XKR5: variants seen among roughly 807,000 people sequenced by gnomAD.
The protein encoded by XKR5 is XK-related protein 5.
In XKR5, 46 loss-of-function variants were observed where a neutral mutation model predicts 40.8. That is an observed-to-expected ratio of 1.13 (90% CI 0.89 to 1.44). XKR5 has a LOEUF of 1.44. Ranked by LOEUF, XKR5 falls within the 40% of genes most tolerant of loss-of-function variation. XKR5 has a pLI of 0.00. For missense variants in XKR5, 1,169 were observed against 844.7 expected (o/e 1.38, Z -4.76); for synonymous variants, 466 against 356.1 (o/e 1.31, Z -3.48).
chr8:6,821,013 AG>A (rs1804205950), intron 5 of XKR5, among the ~76,000 whole-genome samples: 1 of 152,224 alleles, frequency 6.6e-6, no homozygotes, highest in Admixed American at 6.5e-5. Context: ...GGAACCCTGA[AG>A]AGTATGTAGA....
rs759548890 is a variant in XKR5 at position 6,815,806 on chromosome 8, C to G, written c.919+1G>C. On this transcript the variant is annotated splice_donor_variant, in intron 6 of 6. Coordinates refer to ENST00000618742, the MANE Select transcript of XKR5 (RefSeq NM_207411.5). LOFTEE classifies it high-confidence loss of function. ...GAGAAGAAGGTGACATTGGGACTTA[C>G]CAATCAGAAATCCAGACAGGACCCC... The G allele has an allele frequency of 1.3e-6, 2 of 1,593,272 alleles. No homozygotes were observed. The highest frequency in any genetic ancestry group is 2.3e-5 in the South Asian group (2 of 87,850).
At position 6,818,197 on chromosome 8, in the gene XKR5, G is replaced by C. The variant is rs1323528862; in HGVS notation, c.808-2279C>G. Among the ~76,000 whole-genome samples the C allele has an allele frequency of 5.9e-5, 9 of 152,280 alleles. No homozygotes were observed. The East Asian group carries it at 1.7e-3, about 29-fold the overall frequency. On this transcript the variant is annotated intron_variant, in intron 5 of 6. Coordinates refer to ENST00000618742, the MANE Select transcript of XKR5 (RefSeq NM_207411.5). The stretch of plus-strand genomic sequence containing the variant: ...GCACTCACTTTCCTGTGGATTTCCA[G>C]ACACTCCAGGGTCTTTCCATTACTT...
In XKR5 at chr8:6,819,425, G is replaced by T. The variant is rs559113674; in HGVS notation, c.807+2444C>A. ...CTCAGGCTTCCAAGATCACAGTCTG[G>T]GCATTTCTAACCTGCCCAGAGGCAC... On this transcript the variant is annotated intron_variant, in intron 5 of 6. Transcript: ENST00000618742. Among the ~76,000 whole-genome samples, 3 of 152,328 alleles carry T rather than the reference G, an allele frequency of 2.0e-5. No individual in the cohort carries two copies. In the East Asian group the frequency reaches 5.8e-4, roughly 29 times the overall value.
intron 2 of XKR5, among the ~76,000 whole-genome samples, chr8:6,831,014 G>A (rs1804740612): frequency 6.6e-6 from 1 of 152,170 alleles, no homozygotes; most frequent in Non-Finnish European, 1.5e-5. Context: ...CATTACCCAG[G>A]AAGCTTCTCT....
chr8:6,815,850 G>C lies in XKR5; in HGVS notation c.876C>G (p.Thr292=). ...ATDFLQGASW[T]SLQTIAGVLS... is the part of the protein sequence containing the mutation. Reference sequence around the variant, plus strand: ...GGACCCCAGCTATGGTCTGCAGGCTGGTCCACGATGCCCCCTGGAGAAAGT... The same window carrying C: ...GGACCCCAGCTATGGTCTGCAGGCTCGTCCACGATGCCCCCTGGAGAAAGT... Residue 292 remains threonine, a synonymous_variant, in exon 6 of 7, where the codon ACC becomes ACG. Coordinates refer to ENST00000618742, the MANE Select transcript of XKR5 (RefSeq NM_207411.5). The C allele has an allele frequency of 1.2e-6, 2 of 1,605,710 alleles. No homozygotes were observed. The highest frequency in any genetic ancestry group is 1.1e-5 in the South Asian group (1 of 89,106).
At chr8:6,814,471 G>C (rs1397358078) in intron 6 of XKR5, among the ~76,000 whole-genome samples, 1 of 152,130 alleles carries the variant, frequency 6.6e-6, no homozygotes, top group Non-Finnish European at 1.5e-5. Flanking sequence ...AGGAGGGAAG[G>C]AGGTGGCAGG....
At chr8:6,815,942 C>G in intron 5 of XKR5, 24 bp from the exon 6 acceptor site, 1 of 1,551,626 alleles carries the variant, frequency 6.4e-7, no homozygotes, top group Non-Finnish European at 8.8e-7. Flanking sequence ...GACAGAGGCA[C>G]CACACCTCGT....
chr8:6,823,504 T>C lies in XKR5; in HGVS notation c.637+17A>G. 1 of 1,568,596 alleles carries C rather than the reference T, an allele frequency of 6.4e-7. No homozygotes were observed. Among genetic ancestry groups the C allele is most frequent in the Non-Finnish European group, 8.6e-7 (1 of 1,156,088 alleles). ...GGTTATGCAGCAACAGATGACCAGA[T>C]CATTAGCTCAGCTCACCTGCAACCA... On this transcript the variant is annotated intron_variant, in intron 4 of 6. Coordinates refer to ENST00000618742, the MANE Select transcript of XKR5 (RefSeq NM_207411.5).
Position 6,811,938 on chromosome 8 carries a change from G to C in XKR5, c.1321C>G (p.Gln441Glu). The change falls in exon 7 of 7, where the codon CAG becomes GAG. Residue 441 changes from glutamine to glutamate, a missense_variant. Physicochemically the swap from Gln to Glu is conservative, Grantham distance 29. Coordinates refer to ENST00000618742, the MANE Select transcript of XKR5 (RefSeq NM_207411.5). ...AAGGCCTTTCTCTGCAGGTAGTCCT[G>C]TTGACTCAACCCCCATGCAGGTGGA... ...YCPPAWGLSQ[Q>E]DYLQRKALSA... 4.6e-6 allele frequency: 7 copies of C among 1,537,392 alleles called. No individual in the cohort carries two copies. Among genetic ancestry groups the C allele is most frequent in the Non-Finnish European group, 6.1e-6 (7 of 1,146,946 alleles).
At position 6,815,820 on chromosome 8, in the gene XKR5, A is replaced by G. The variant is rs751311616; in HGVS notation, c.906T>C (p.Ser302=). Residue 302 remains serine (S), a synonymous_variant, in exon 6 of 7, where the codon TCT becomes TCC. Transcript: ENST00000618742. ...TSLQTIAGVL[S]GFLIGSVSLV... ...ATTGGGACTTACCAATCAGAAATCC[A>G]GACAGGACCCCAGCTATGGTCTGCA... 6.2e-7 allele frequency: 1 copy of G among 1,602,292 alleles called. No homozygotes were observed. Among genetic ancestry groups the G allele is most frequent in the Middle Eastern group, 1.7e-4 (1 of 6,052 alleles).
chr8:6,818,978 G>A (rs1563352456), intron 5 of XKR5, among the ~76,000 whole-genome samples: 1 of 152,264 alleles, frequency 6.6e-6, no homozygotes, highest in Non-Finnish European at 1.5e-5. Flanking sequence ...GAAAGTCGAG[G>A]CTGCAGTGAG....
At position 6,812,103 on chromosome 8, in the gene XKR5, C is replaced by T; in HGVS notation, c.1156G>A (p.Glu386Lys). The change falls in exon 7 of 7, where the codon GAG becomes AAG. Residue 386 changes from glutamate to lysine, a missense_variant. Coordinates refer to ENST00000618742, the MANE Select transcript of XKR5 (RefSeq NM_207411.5). ...GCAACCTGGGTCCCCAGCCCAGCCT[C>T]TGGGGGGACCTGCTCAGGGGTAGGG... The part of the protein sequence containing the change: ...KPPTPEQVPP[E>K]AGLGTQVAVE... 6.5e-7 allele frequency: 1 copy of T among 1,545,666 alleles called. No homozygotes were observed. Among genetic ancestry groups the T allele is most frequent in the Non-Finnish European group, 8.7e-7 (1 of 1,146,990 alleles).
At position 6,815,832 on chromosome 8, in the gene XKR5, A is replaced by C. The variant is rs754264489; in HGVS notation, c.894T>G (p.Ala298=). The C allele has an allele frequency of 1.2e-6, 2 of 1,604,846 alleles. No individual in the cohort carries two copies. The highest frequency in any genetic ancestry group is 4.5e-5 in the East Asian group (2 of 44,526). The change falls in exon 6 of 7, where the codon GCT becomes GCG. Residue 298 remains alanine (A), a synonymous_variant. Coordinates refer to ENST00000618742, the MANE Select transcript of XKR5 (RefSeq NM_207411.5). ...GASWTSLQTI[A]GVLSGFLIGS... ...CAATCAGAAATCCAGACAGGACCCC[A>C]GCTATGGTCTGCAGGCTGGTCCACG...
intron 2 of XKR5, among the ~76,000 whole-genome samples, chr8:6,831,817 G>A (rs781484465): frequency 1.3e-5 from 2 of 151,988 alleles, no homozygotes; most frequent in East Asian, 1.9e-4. Flanking sequence ...AGACCGAGAC[G>A]ATGCTGGCTA....
intron 4 of XKR5, among the ~76,000 whole-genome samples, chr8:6,822,633 A>C (rs1392711876): frequency 6.6e-6 from 1 of 152,232 alleles, no homozygotes; most frequent in African/African-American, 2.4e-5. Flanking sequence ...ATATTTCTTA[A>C]TGTCTCCAAT....
intron 5 of XKR5, among the ~76,000 whole-genome samples, chr8:6,816,489 T>A (rs1803962822): frequency 6.6e-6 from 1 of 152,116 alleles, no homozygotes. Context: ...TGGCAGATGG[T>A]CCAGAAGGCT....
At chr8:6,829,471 G>A (rs1332997080) in intron 2 of XKR5, among the ~76,000 whole-genome samples, 3 of 152,168 alleles carry the variant, frequency 2.0e-5, no homozygotes, top group Non-Finnish European at 2.9e-5. Flanking sequence ...GTATTATTGG[G>A]AACGTTAAAA....
intron 2 of XKR5, among the ~76,000 whole-genome samples, chr8:6,827,663 T>C (rs139882379): frequency 2.0e-5 from 3 of 152,326 alleles, no homozygotes; most frequent in Admixed American, 6.5e-5. Context: ...AGGCAGTAGT[T>C]TTCTTTTCAC....
chr8:6,829,713 G>A (rs2741088), intron 2 of XKR5, among the ~76,000 whole-genome samples: 35,363 of 151,374 alleles, frequency 0.23, 4,380 homozygotes, highest in East Asian at 0.32. Flanking sequence ...ATGGGGTTTC[G>A]ACAGTGTTGG....
Sources: allele counts gnomAD v4.1 joint callset (sites outside exome capture counted in the v4.1 genomes callset), GRCh38; gene constraint gnomAD v4.1.1; transcripts MANE v1.5; gene names NCBI Gene and HGNC (gene_info 2026-07-23, HGNC 2026-07-21).